The following LRRC4C variants were observed in gnomAD, a reference collection of about 807,000 sequenced individuals.
LRRC4C encodes leucine rich repeat containing 4C, also known as leucine-rich repeat-containing protein 4C.
In LRRC4C, 5 loss-of-function variants were observed where a neutral mutation model predicts 33.6. That is an observed-to-expected ratio of 0.15 (90% CI 0.08 to 0.31). LRRC4C has a LOEUF of 0.31. Ranked by LOEUF, LRRC4C falls within the 10% of genes least tolerant of loss-of-function variation. The pLI, the probability that LRRC4C is intolerant of heterozygous loss-of-function variation, is 1.00. For missense variants in LRRC4C, 560 were observed against 796.7 expected (o/e 0.70, Z 3.58); for synonymous variants, 329 against 302.0 (o/e 1.09, Z -0.93).
At position 41,144,973 on chromosome 11, in the gene LRRC4C, G is replaced by A. The variant is rs1943665467; in HGVS notation, c.-495-211250C>T. 2.6e-5 allele frequency among the ~76,000 whole-genome samples: 4 copies of A among 152,138 alleles called. No homozygotes were observed. The South Asian group carries it at 8.3e-4, about 31-fold the overall frequency. ...AATCTGCCTCTGTTGTTTGCAAAGT[G>A]AGCAAGTTATTTAGCAAGCTAGAGT... On this transcript the variant is annotated intron_variant, in intron 1 of 6. Transcript: ENST00000528697.
intron 1 of LRRC4C, among the ~76,000 whole-genome samples, chr11:41,373,504 T>C (rs1952828419): frequency 6.6e-6 from 1 of 152,090 alleles, no homozygotes; most frequent in Admixed American, 6.5e-5. Context: ...TGTTTGGGAG[T>C]CTGTGTTGTT....
At chr11:41,427,050 TATATC>T (rs763945655) in intron 1 of LRRC4C, among the ~76,000 whole-genome samples, 12 of 152,186 alleles carry the variant, frequency 7.9e-5, no homozygotes, top group Non-Finnish European at 1.6e-4. Flanking sequence ...AGAAGGAAAA[TATATC>T]TTATCTTTCT....
intron 1 of LRRC4C, among the ~76,000 whole-genome samples, chr11:41,272,894 G>T (rs942654643): frequency 6.6e-6 from 1 of 152,066 alleles, no homozygotes; most frequent in Non-Finnish European, 1.5e-5. Context: ...TCTGTGACCA[G>T]CTGCATGAAG....
intron 3 of LRRC4C, among the ~76,000 whole-genome samples, chr11:40,633,539 C>A (rs1174187141): frequency 6.6e-6 from 1 of 151,760 alleles, no homozygotes; most frequent in Non-Finnish European, 1.5e-5. Flanking sequence ...CAGGTGCCCA[C>A]CACCACGCCT....
At chr11:40,635,342 G>A (rs1261388655) in intron 3 of LRRC4C, among the ~76,000 whole-genome samples, 2 of 152,238 alleles carry the variant, frequency 1.3e-5, no homozygotes, top group South Asian at 2.1e-4. Flanking sequence ...TACATCCCAA[G>A]GTCCTGGCCT....
intron 1 of LRRC4C, among the ~76,000 whole-genome samples, chr11:41,365,440 C>T (rs1447274591): frequency 6.6e-6 from 1 of 151,900 alleles, no homozygotes; most frequent in Non-Finnish European, 1.5e-5. Context: ...AAAATTATTG[C>T]ACTTGAATTA....
chr11:41,013,268 C>T (rs1189944244), intron 1 of LRRC4C, among the ~76,000 whole-genome samples: 1 of 152,194 alleles, frequency 6.6e-6, no homozygotes, highest in African/African-American at 2.4e-5. Flanking sequence ...ATTGTATCCA[C>T]TGCTTTTAAC....
intron 2 of LRRC4C, among the ~76,000 whole-genome samples, chr11:40,752,572 C>T (rs1341979147): frequency 6.6e-6 from 1 of 151,640 alleles, no homozygotes; most frequent in Non-Finnish European, 1.5e-5. Context: ...GTTACAATGG[C>T]TATTACTAAA....
chr11:40,981,822 A>G (rs1043217504), intron 1 of LRRC4C, among the ~76,000 whole-genome samples: 1 of 152,244 alleles, frequency 6.6e-6, no homozygotes, highest in Non-Finnish European at 1.5e-5. Context: ...CCAAGGTGAT[A>G]ATATCAGCAC....
chr11:40,804,942 G>A (rs1951183404), intron 2 of LRRC4C, among the ~76,000 whole-genome samples: 2 of 152,168 alleles, frequency 1.3e-5, no homozygotes, highest in African/African-American at 4.8e-5. Context: ...GGAATACATT[G>A]ATTCCTAAAT....
At chr11:41,071,960 T>G (rs1489364248) in intron 1 of LRRC4C, among the ~76,000 whole-genome samples, 5 of 152,076 alleles carry the variant, frequency 3.3e-5, no homozygotes, top group African/African-American at 7.2e-5. Context: ...AGCAACAGAA[T>G]GCAAATAAGA....
At chr11:40,547,437 C>T (rs1956968519) in intron 3 of LRRC4C, among the ~76,000 whole-genome samples, 1 of 152,008 alleles carries the variant, frequency 6.6e-6, no homozygotes, top group African/African-American at 2.4e-5. Context: ...GCAGTGAGTT[C>T]GGAGACTCTC....
intron 2 of LRRC4C, among the ~76,000 whole-genome samples, chr11:40,926,065 G>C (rs1230286194): frequency 7.9e-6 from 1 of 126,930 alleles, no homozygotes; most frequent in South Asian, 2.8e-4. Flanking sequence ...CAAATCTAAG[G>C]GTTTTTTGTT....
At chr11:40,686,469 G>T (rs1429540812) in intron 2 of LRRC4C, among the ~76,000 whole-genome samples, 1 of 151,886 alleles carries the variant, frequency 6.6e-6, no homozygotes, top group Non-Finnish European at 1.5e-5. Flanking sequence ...CCATTACCCC[G>T]AGAGATACTC....
intron 1 of LRRC4C, among the ~76,000 whole-genome samples, chr11:41,250,001 TAA>T (rs35746877): frequency 6.8e-6 from 1 of 147,972 alleles, no homozygotes; most frequent in African/African-American, 2.5e-5. Context: ...CCATCTCTAC[TAA>T]AAAAAAAAAT....
intron 1 of LRRC4C, among the ~76,000 whole-genome samples, chr11:41,367,928 C>G (rs1323456366): frequency 6.6e-6 from 1 of 152,230 alleles, no homozygotes; most frequent in East Asian, 1.9e-4. Flanking sequence ...CCCAGTAGGA[C>G]ATTCAGAGTC....
intron 3 of LRRC4C, among the ~76,000 whole-genome samples, chr11:40,554,889 T>G (rs566899836): frequency 6.7e-6 from 1 of 149,898 alleles, no homozygotes; most frequent in Non-Finnish European, 1.5e-5. Flanking sequence ...GCCCGGCTAA[T>G]TTTTTGTATT....
chr11:41,265,894 A>G (rs1388398522), intron 1 of LRRC4C, among the ~76,000 whole-genome samples: 1 of 151,922 alleles, frequency 6.6e-6, no homozygotes, highest in African/African-American at 2.4e-5. Flanking sequence ...AAAAATAATA[A>G]TTACATTCTT....
chr11:40,780,980 A>G lies in LRRC4C; in HGVS notation c.-406-132702T>C, dbSNP rs1950190104. 2.6e-5 allele frequency among the ~76,000 whole-genome samples: 4 copies of G among 152,272 alleles called. No individual in the cohort carries two copies. In the South Asian group the frequency reaches 8.3e-4, roughly 32 times the overall value. ...TCATGGGTCACTTACTGACAGCGAT[A>G]TGTTCTAAGAAATTGGGAAATAGGC... On this transcript the variant is annotated intron_variant, in intron 2 of 6. Coordinates refer to ENST00000528697, the MANE Select transcript of LRRC4C (RefSeq NM_001258419.2).
Sources: allele counts gnomAD v4.1 joint callset (sites outside exome capture counted in the v4.1 genomes callset), GRCh38; gene constraint gnomAD v4.1.1; transcripts MANE v1.5; gene names NCBI Gene and HGNC (gene_info 2026-07-23, HGNC 2026-07-21).